The following SSUH2 variants were observed in gnomAD, a reference collection of about 807,000 sequenced individuals.
SSUH2 encodes the protein ssu-2 homolog.
SSUH2 carries 47 observed loss-of-function variants against 55.3 expected under a neutral mutation model. That is an observed-to-expected ratio of 0.85 (90% CI 0.67 to 1.08). The LOEUF is 1.08. Among genes scored for constraint, SSUH2 ranks in the 50% least tolerant of loss-of-function variants. The probability of loss-of-function intolerance (pLI) is 0.00; values close to 1 mark genes in which losing one functional copy is unlikely to be tolerated. For synonymous variants in SSUH2, 212 were observed against 191.5 expected, an observed-to-expected ratio of 1.11 and a Z score of -0.89; for missense variants, 535 against 490.7, an observed-to-expected ratio of 1.09 and a Z score of -0.85.
chr3:8,677,545 C>T (rs1229011345), intron 2 of SSUH2: 1 of 150,828 alleles, frequency 6.6e-6, no homozygotes, highest in Non-Finnish European at 1.5e-5. Flanking sequence ...CTGGCAGCCC[C>T]AGCCCTGGGG....
At chr3:8,622,540 G>T (rs747720215) in intron 11 of SSUH2, among the ~76,000 whole-genome samples, 1 of 152,206 alleles carries the variant, frequency 6.6e-6, no homozygotes, top group African/African-American at 2.4e-5. Context: ...ACAGAAAGCT[G>T]AGTGTCGACA....
chr3:8,644,167 G>A (rs1276807152), intron 1 of SSUH2, among the ~76,000 whole-genome samples: 1 of 152,054 alleles, frequency 6.6e-6, no homozygotes, highest in African/African-American at 2.4e-5. Flanking sequence ...GGGTCACCTG[G>A]GCTATGTTTC....
At chr3:8,623,477 G>C (rs1447050001) in intron 11 of SSUH2, 72 bp downstream of exon 11, 1 of 949,044 alleles carries the variant, frequency 1.1e-6, no homozygotes, top group East Asian at 2.6e-5. Context: ...CCGCTCCGAC[G>C]TTCTCAGGAA....
At chr3:8,635,196 C>T (rs1368309580) in intron 3 of SSUH2, 104 bp downstream of exon 3, 22 of 934,726 alleles carry the variant, frequency 2.4e-5, no homozygotes, top group Middle Eastern at 2.3e-4. Flanking sequence ...GGGGTGCAGA[C>T]GGCCCCCTCC....
chr3:8,641,428 G>A (rs982430738), intron 1 of SSUH2, among the ~76,000 whole-genome samples: 1 of 152,204 alleles, frequency 6.6e-6, no homozygotes, highest in African/African-American at 2.4e-5. Context: ...AGGGCTCAGG[G>A]AGTAGGGTCA....
chr3:8,633,141 CCT>C (rs1491542333), intron 4 of SSUH2, among the ~76,000 whole-genome samples: 1 of 129,376 alleles, frequency 7.7e-6, no homozygotes, highest in East Asian at 3.1e-4. Context: ...TTTGATGACG[CCT>C]TTTTTTTTTT....
At chr3:8,641,560 CA>C (rs1346842704) in intron 1 of SSUH2, among the ~76,000 whole-genome samples, 1 of 152,178 alleles carries the variant, frequency 6.6e-6, no homozygotes, top group Non-Finnish European at 1.5e-5. Context: ...ACTCACTCCC[CA>C]AAGTAGATGC....
rs755079096 is a variant in SSUH2 at position 8,626,199 on chromosome 3, A to T, written c.767+30T>A. ...GGCTAAGTCCCTCAGCCACCCCCGCATGCCACAGCATTGAGACACTGCCAC... is the reference window on the plus strand; with the variant it reads ...GGCTAAGTCCCTCAGCCACCCCCGCTTGCCACAGCATTGAGACACTGCCAC... On this transcript the variant is annotated intron_variant, in intron 9 of 11. Coordinates refer to ENST00000544814, the MANE Select transcript of SSUH2 (RefSeq NM_001256748.3). The T allele has an allele frequency of 2.5e-6, 4 of 1,587,104 alleles. No homozygotes were observed. In the African/African-American group the frequency reaches 5.4e-5, roughly 21 times the overall value.
chr3:8,681,482 G>T (rs1705943342), intron 1 of SSUH2, among the ~76,000 whole-genome samples: 2 of 146,558 alleles, frequency 1.4e-5, no homozygotes, highest in South Asian at 2.2e-4. Flanking sequence ...TCGTAGGGGG[G>T]AGGCAGCCCC....
chr3:8,644,719 G>A lies in SSUH2; in HGVS notation c.28+12C>T, dbSNP rs1249888093. On this transcript the variant is annotated intron_variant, in intron 1 of 11. Coordinates refer to ENST00000544814, the MANE Select transcript of SSUH2 (RefSeq NM_001256748.3). ...ACACAGTCTTCCGTGCCATCTTTGA[G>A]GCTCTACTTACTGTCATCTTCATTC... 1 of 1,535,594 alleles carries A rather than the reference G, an allele frequency of 6.5e-7. No individual in the cohort carries two copies. Among genetic ancestry groups the A allele is most frequent in the South Asian group, 1.2e-5 (1 of 84,038 alleles).
intron 3 of SSUH2, among the ~76,000 whole-genome samples, chr3:8,673,121 T>C (rs542131611): frequency 1.3e-5 from 2 of 152,122 alleles, no homozygotes; most frequent in East Asian, 1.9e-4. Context: ...TAATATTAAT[T>C]ATTACAAGCT....
chr3:8,681,317 C>T (rs1705930861), intron 1 of SSUH2, among the ~76,000 whole-genome samples: 4 of 145,206 alleles, frequency 2.8e-5, no homozygotes, highest in South Asian at 2.2e-4. Context: ...ACCACCATCG[C>T]GGGGGTGGAG....
chr3:8,661,831 A>G (rs1382950978), intron 6 of SSUH2, among the ~76,000 whole-genome samples: 1 of 152,230 alleles, frequency 6.6e-6, no homozygotes, highest in African/African-American at 2.4e-5. Flanking sequence ...TGTAGCTCCC[A>G]TAATTCCCAT....
chr3:8,619,951 C>T lies in SSUH2; in HGVS notation c.1045G>A (p.Val349Ile), dbSNP rs1314281567. The T allele has an allele frequency of 1.2e-6, 2 of 1,614,042 alleles. No individual in the cohort carries two copies. The highest frequency in any genetic ancestry group is 1.3e-5 in the African/African-American group (1 of 74,912). The change falls in exon 12 of 12, where the codon GTC becomes ATC. Residue 349 changes from valine to isoleucine, a missense_variant. Physicochemically the swap from Val to Ile is conservative, Grantham distance 29. Coordinates refer to ENST00000544814, the MANE Select transcript of SSUH2 (RefSeq NM_001256748.3). ...TGGTCAGTGCCATAGATGTAGTAGA[C>T]ATAAGTCTTTCCTTGGTACCAATAG... Reference protein sequence around the residue: ...VHYWYQGKTYVYYIYGTDHQV... With the variant: ...VHYWYQGKTYIYYIYGTDHQV...
At chr3:8,656,276 G>C (rs1702925921) in intron 7 of SSUH2, among the ~76,000 whole-genome samples, 1 of 152,190 alleles carries the variant, frequency 6.6e-6, no homozygotes, top group African/African-American at 2.4e-5. Flanking sequence ...TTTCCCATAA[G>C]CAAGTCTGGC....
intron 1 of SSUH2, among the ~76,000 whole-genome samples, chr3:8,681,167 G>C (rs1382228226): frequency 7.2e-6 from 1 of 138,762 alleles, no homozygotes; most frequent in Non-Finnish European, 1.6e-5. Flanking sequence ...TAGCAGGGGG[G>C]GGAGTCACCC....
upstream of SSUH2, among the ~76,000 whole-genome samples, chr3:8,644,992 T>G (rs1290915970): frequency 6.6e-6 from 1 of 152,212 alleles, no homozygotes; most frequent in Admixed American, 6.5e-5. Context: ...CTCTTATGGA[T>G]GCTTCTAGTT....
At chr3:8,644,801 G>A (rs1701455734), upstream of SSUH2, 1 of 1,531,170 alleles carries the variant, frequency 6.5e-7, no homozygotes, top group African/African-American at 1.4e-5. Context: ...CTTCGAGTGT[G>A]CTTGGACCGA....
chr3:8,623,165 G>A (rs1207084439), intron 11 of SSUH2, among the ~76,000 whole-genome samples: 1 of 152,204 alleles, frequency 6.6e-6, no homozygotes, highest in Non-Finnish European at 1.5e-5. Flanking sequence ...GTTGGGAAGT[G>A]CCAGGGGCCT....
Sources: gnomAD v4.1 joint callset for allele counts (sites outside exome capture counted in the v4.1 genomes callset) on GRCh38, gnomAD v4.1.1 for gene constraint, MANE v1.5 for transcripts, NCBI Gene and HGNC (gene_info 2026-07-23, HGNC 2026-07-21) for gene names.